The following SLC35F3 variants were observed in gnomAD, a reference collection of about 807,000 sequenced individuals.
The protein encoded by SLC35F3 is putative thiamine transporter SLC35F3.
Under a neutral mutation model 49.9 loss-of-function variants are expected in SLC35F3, and 25 were observed. The ratio of observed to expected loss-of-function variants is 0.50; its 90% CI spans 0.37 to 0.70. The LOEUF (loss-of-function observed/expected upper bound fraction) is 0.70, where lower values mean the gene tolerates loss of function less well. SLC35F3 is among the 30% of genes least tolerant of loss of function. The probability of loss-of-function intolerance (pLI) is 0.00; values close to 1 mark genes in which losing one functional copy is unlikely to be tolerated. For missense variants in SLC35F3, 525 were observed against 639.8 expected (o/e 0.82, Z 1.94); for synonymous variants, 275 against 265.4 (o/e 1.04, Z -0.35).
At chr1:234,017,098 G>T (rs1270966182) in intron 2 of SLC35F3, among the ~76,000 whole-genome samples, 1 of 152,144 alleles carries the variant, frequency 6.6e-6, no homozygotes, top group Non-Finnish European at 1.5e-5. Context: ...AAAATAACGT[G>T]TCCAGTACAA....
chr1:234,068,388 G>A (rs942925885), intron 2 of SLC35F3, among the ~76,000 whole-genome samples: 2 of 152,138 alleles, frequency 1.3e-5, no homozygotes, highest in Admixed American at 6.5e-5. Context: ...TGCTGTGAAA[G>A]GTGCAAAGGT....
intron 2 of SLC35F3, among the ~76,000 whole-genome samples, chr1:234,217,119 G>A (rs1202582584): frequency 1.3e-5 from 2 of 152,220 alleles, no homozygotes; most frequent in Admixed American, 6.5e-5. Flanking sequence ...TTTCTGTATG[G>A]ATGGCAGACA....
chr1:234,124,688 A>C lies in SLC35F3; in HGVS notation c.284-106729A>C, dbSNP rs1008910462. Among the ~76,000 whole-genome samples the C allele has an allele frequency of 2.0e-4, 30 of 152,244 alleles. 1 individual carries two copies. The East Asian group carries it at 5.8e-3, about 29-fold the overall frequency. On this transcript the variant is annotated intron_variant, in intron 2 of 7. Coordinates refer to ENST00000366618, the MANE Select transcript of SLC35F3 (RefSeq NM_173508.4). ...TCAGGATCAGCCTGAGCAACATAGC[A>C]AGACCCCATCTCTACGAAAAAATTA...
intron 2 of SLC35F3, among the ~76,000 whole-genome samples, chr1:233,970,574 T>G (rs972292880): frequency 6.6e-6 from 1 of 152,176 alleles, no homozygotes; most frequent in Non-Finnish European, 1.5e-5. Flanking sequence ...TCCTAACCCC[T>G]AGTATCTCCG....
intron 2 of SLC35F3, among the ~76,000 whole-genome samples, chr1:234,014,665 A>G (rs1663775752): frequency 6.6e-6 from 1 of 152,212 alleles, no homozygotes; most frequent in Non-Finnish European, 1.5e-5. Context: ...AAAAATCAGT[A>G]GCATTTCTAT....
chr1:234,297,675 T>C (rs1303549648), intron 3 of SLC35F3, among the ~76,000 whole-genome samples: 1 of 151,536 alleles, frequency 6.6e-6, no homozygotes, highest in African/African-American at 2.4e-5. Flanking sequence ...GCCCTGGAGA[T>C]TGAGGCTGCA....
At chr1:234,134,046 C>T (rs10910359) in intron 2 of SLC35F3, among the ~76,000 whole-genome samples, 68,841 of 152,010 alleles carry the variant, frequency 0.45, 17,017 homozygotes, top group Non-Finnish European at 0.56. Flanking sequence ...CAGAGAAGTA[C>T]ATGAAAATAG....
chr1:233,956,303 T>G (rs1662701128), intron 2 of SLC35F3, among the ~76,000 whole-genome samples: 2 of 151,940 alleles, frequency 1.3e-5, no homozygotes, highest in South Asian at 4.2e-4. Context: ...TAGGGCCAGA[T>G]CTTCCTGCAC....
chr1:234,323,082 T>C lies in SLC35F3; in HGVS notation c.1312T>C (p.Phe438Leu). ...CGCCATCATCATCATCGGCCTGGGT[T>C]TTCTCCTCCTGCTCCTGCCAGAGGA... ...VIAIIIIGLG[F>L]LLLLLPEEWD... Residue 438 changes from phenylalanine (F) to leucine (L), a missense_variant, in exon 8 of 8, where the codon TTT (phenylalanine) becomes CTT (leucine). Phe to Leu is a conservative substitution (Grantham distance 22). This residue lies in a region of SLC35F3 where 76 missense variants were observed against 95.6 expected (regional missense o/e 0.80). Transcript: ENST00000366618. The surrounding 1 kb of genome is among the most constrained non-coding windows in gnomAD (Gnocchi z 4.5). The C allele has an allele frequency of 6.2e-7, 1 of 1,614,100 alleles. No homozygotes were observed.
intron 2 of SLC35F3, among the ~76,000 whole-genome samples, chr1:234,000,574 G>A (rs899693652): frequency 2.6e-5 from 4 of 152,192 alleles, no homozygotes; most frequent in Non-Finnish European, 5.9e-5. Flanking sequence ...TACAAGCAGT[G>A]CTACTGATTT....
chr1:233,927,883 T>C (rs1662184853), intron 2 of SLC35F3, among the ~76,000 whole-genome samples: 1 of 152,160 alleles, frequency 6.6e-6, no homozygotes, highest in South Asian at 2.1e-4. Flanking sequence ...CTTAAATAGA[T>C]ATAAAAAGTA....
chr1:234,024,241 A>T (rs556738286), intron 2 of SLC35F3, among the ~76,000 whole-genome samples: 42 of 151,726 alleles, frequency 2.8e-4, no homozygotes, highest in Non-Finnish European at 4.4e-4. Context: ...AGCACTAGGC[A>T]TTAGAGGAAC....
rs577243137 is a variant in SLC35F3 at position 234,097,140 on chromosome 1, C to G, written c.284-134277C>G. On this transcript the variant is annotated intron_variant, in intron 2 of 7. Coordinates refer to ENST00000366618, the MANE Select transcript of SLC35F3 (RefSeq NM_173508.4). ...CCGACCTCAGGTGATCTGCCCACCT[C>G]AGCCTCCCAAAGTGCTAGGATTACA... Among the ~76,000 whole-genome samples, 13 of 152,234 alleles carry G rather than the reference C, an allele frequency of 8.5e-5. No homozygotes were observed. The East Asian group carries it at 2.3e-3, about 27-fold the overall frequency.
intron 3 of SLC35F3, among the ~76,000 whole-genome samples, chr1:234,293,555 A>G (rs1668541659): frequency 6.6e-6 from 1 of 152,234 alleles, no homozygotes; most frequent in Non-Finnish European, 1.5e-5. Flanking sequence ...TATATTTACA[A>G]GAAGCCATCA....
intron 2 of SLC35F3, among the ~76,000 whole-genome samples, chr1:234,197,286 CT>C (rs1469224546): frequency 6.6e-6 from 1 of 152,096 alleles, no homozygotes; most frequent in Non-Finnish European, 1.5e-5. Flanking sequence ...TTTGGGCAGC[CT>C]TGAGTTTTCT....
At chr1:234,275,432 A>T (rs971484713) in intron 3 of SLC35F3, among the ~76,000 whole-genome samples, 2 of 152,154 alleles carry the variant, frequency 1.3e-5, no homozygotes, top group Admixed American at 6.5e-5. Context: ...TATCAATTTC[A>T]TTCCCCTGAA....
intron 2 of SLC35F3, among the ~76,000 whole-genome samples, chr1:233,924,567 T>A (rs1571981723): frequency 6.7e-6 from 1 of 150,028 alleles, no homozygotes; most frequent in East Asian, 2.0e-4. Context: ...ATTTTGTTGA[T>A]CTTTTCAAAA....
At position 234,046,739 on chromosome 1, in the gene SLC35F3, A is replaced by G. The variant is rs1178883636; in HGVS notation, c.283+140981A>G. 1.3e-5 allele frequency among the ~76,000 whole-genome samples: 2 copies of G among 152,148 alleles called. No individual in the cohort carries two copies. ...AAACATTTCCTTTATGCATTTAGTT[A>G]TTTAATCCCTGAAATTTGTCTGTAA... is the stretch of plus-strand genomic sequence containing the variant. On this transcript the variant is annotated intron_variant, in intron 2 of 7. Transcript: ENST00000366618. The surrounding 1 kb of genome is among the most constrained non-coding windows in gnomAD (Gnocchi z 4.4).
intron 2 of SLC35F3, among the ~76,000 whole-genome samples, chr1:234,071,038 A>G (rs537406037): frequency 2.6e-5 from 4 of 152,338 alleles, no homozygotes; most frequent in Admixed American, 1.3e-4. Flanking sequence ...CGACTCTATC[A>G]GAGAAAGTCT....
Sources: allele counts gnomAD v4.1 joint callset (sites outside exome capture counted in the v4.1 genomes callset), GRCh38; gene constraint gnomAD v4.1.1; regional missense constraint gnomAD v4.1.1; non-coding constraint Gnocchi (gnomAD v3.1); transcripts MANE v1.5; gene names NCBI Gene and HGNC (gene_info 2026-07-23, HGNC 2026-07-21).